CA8: variants seen among roughly 807,000 people sequenced by gnomAD.
The protein encoded by CA8 is carbonic anhydrase-related protein.
Under a neutral mutation model 41.4 loss-of-function variants are expected in CA8, and 22 were observed. That is an observed-to-expected ratio of 0.53 (90% CI 0.38 to 0.76). The LOEUF is 0.76. CA8 is among the 30% of genes least tolerant of loss of function. CA8 has a pLI of 0.00. For missense variants in CA8, 270 were observed against 352.8 expected, an observed-to-expected ratio of 0.77 and a Z score of 1.88; for synonymous variants, 121 against 130.6, an observed-to-expected ratio of 0.93 and a Z score of 0.50.
chr8:60,280,832 C>T (rs1207589471), intron 1 of CA8, among the ~76,000 whole-genome samples: 1 of 152,222 alleles, frequency 6.6e-6, no homozygotes, highest in African/African-American at 2.4e-5. Flanking sequence ...GGTGAGAGCG[C>T]AGGCGGCGGA....
intron 3 of CA8, among the ~76,000 whole-genome samples, chr8:60,264,314 C>T (rs1563378531): frequency 6.6e-6 from 1 of 152,232 alleles, no homozygotes; most frequent in Non-Finnish European, 1.5e-5. Flanking sequence ...ACTTTTGTTA[C>T]TAGAGTCTGT....
chr8:60,237,225 GTC>G (rs1807864875), intron 3 of CA8, among the ~76,000 whole-genome samples: 1 of 152,166 alleles, frequency 6.6e-6, no homozygotes, highest in Non-Finnish European at 1.5e-5. Flanking sequence ...CTTTCAGCAT[GTC>G]TCTCTGTAAC....
In CA8 at chr8:60,248,890, T is replaced by G. The variant is rs1445936018; in HGVS notation, c.418-16511A>C. Among the ~76,000 whole-genome samples the G allele has an allele frequency of 3.9e-5, 6 of 152,212 alleles. No homozygotes were observed. The East Asian group carries it at 1.2e-3, about 29-fold the overall frequency. Reference sequence around the variant, plus strand: ...TCACGATATTGATTCTTCCTATTCATGAGCATGGAATGTTTTTCCATTTGT... The same window carrying G: ...TCACGATATTGATTCTTCCTATTCAGGAGCATGGAATGTTTTTCCATTTGT... On this transcript the variant is annotated intron_variant, in intron 3 of 8. Transcript: ENST00000317995.
intron 2 of CA8, among the ~76,000 whole-genome samples, chr8:60,276,646 T>C (rs1804245531): frequency 1.3e-5 from 2 of 152,264 alleles, no homozygotes; most frequent in South Asian, 4.1e-4. Context: ...AATTACATAA[T>C]GGATACAATG....
At chr8:60,240,518 G>A (rs543132328) in intron 3 of CA8, among the ~76,000 whole-genome samples, 2 of 152,202 alleles carry the variant, frequency 1.3e-5, no homozygotes, top group Admixed American at 6.5e-5. Context: ...ATAACAGGCT[G>A]CTGTTAAGTT....
chr8:60,221,933 T>C (rs1336271686), intron 7 of CA8, among the ~76,000 whole-genome samples: 1 of 152,228 alleles, frequency 6.6e-6, no homozygotes, highest in Non-Finnish European at 1.5e-5. Flanking sequence ...CCAGGCCTTT[T>C]GAGGTTGATC....
intron 2 of CA8, among the ~76,000 whole-genome samples, chr8:60,266,328 A>G (rs553731499): frequency 4.6e-5 from 7 of 152,330 alleles, no homozygotes; most frequent in African/African-American, 1.7e-4. Flanking sequence ...TTCAGTCTAG[A>G]AGTAGACAAG....
intron 7 of CA8, among the ~76,000 whole-genome samples, chr8:60,210,239 G>A (rs143998935): frequency 6.6e-6 from 1 of 152,162 alleles, no homozygotes; most frequent in Non-Finnish European, 1.5e-5. Context: ...CCAGGGTATT[G>A]AGCAAACGTG....
rs1393579488 is a variant in CA8 at position 60,219,978 on chromosome 8, T to A, written c.738+2671A>T. Among the ~76,000 whole-genome samples the A allele has an allele frequency of 2.0e-5, 3 of 148,678 alleles. No individual in the cohort carries two copies. In the East Asian group the frequency reaches 6.0e-4, roughly 30 times the overall value. ...ACACTTGACTATTCTCTAAACGTTG[T>A]CCCTAAAACCCTCCTTGCCTTTCCC... is the stretch of plus-strand genomic sequence containing the variant. On this transcript the variant is annotated intron_variant, in intron 7 of 8. Coordinates refer to ENST00000317995, the MANE Select transcript of CA8 (RefSeq NM_004056.6).
At chr8:60,240,044 AC>A (rs2130517857) in intron 3 of CA8, among the ~76,000 whole-genome samples, 1 of 152,314 alleles carries the variant, frequency 6.6e-6, no homozygotes, top group African/African-American at 2.4e-5. Flanking sequence ...AGAGAAACTG[AC>A]GGGGGACCAA....
chr8:60,256,875 G>A (rs1027290977), intron 3 of CA8, among the ~76,000 whole-genome samples: 1 of 151,978 alleles, frequency 6.6e-6, no homozygotes. Flanking sequence ...GACTAAACAG[G>A]GAAGAAGTTT....
Position 60,208,615 on chromosome 8 carries a change from ATG to A in CA8, c.*35+133_*35+134del, listed in dbSNP as rs1408653792. On this transcript the variant is annotated intron_variant, in intron 8 of 8. Transcript: ENST00000317995. ...GACCTGTAATTAACAGAGCTCAAGA[ATG>A]TGTCATAAATTTTATCAAGATGAAG... is the stretch of plus-strand genomic sequence containing the variant. 29 of 749,590 alleles carry A rather than the reference ATG, an allele frequency of 3.9e-5. No homozygotes were observed. In the East Asian group the frequency reaches 7.2e-4, roughly 18 times the overall value. The allele number at this position is 749,590 out of a possible 1,614,324, so 46.4% of individuals were successfully genotyped here. A position where few individuals can be genotyped will look rare whatever the true frequency, so the allele number is the denominator to read the frequency against.
chr8:60,238,168 G>A (rs532059698), intron 3 of CA8, among the ~76,000 whole-genome samples: 9 of 152,292 alleles, frequency 5.9e-5, no homozygotes, highest in Non-Finnish European at 8.8e-5. Flanking sequence ...AAGAAATTGC[G>A]ACATGCCACA....
rs906398417 is a variant in CA8 at position 60,189,196 on chromosome 8, G to C, written c.*825C>G. On this transcript the variant is annotated 3_prime_UTR_variant, in exon 9 of 9. Coordinates refer to ENST00000317995, the MANE Select transcript of CA8 (RefSeq NM_004056.6). ...AATATTTAAGTCTTACAAAGCGTAC[G>C]ACACTAAAGTAATATAGGATACCAC... 2.6e-5 allele frequency: 4 copies of C among 152,078 alleles called. No individual in the cohort carries two copies. The highest frequency in any genetic ancestry group is 9.7e-5 in the African/African-American group (4 of 41,420). 9.4% of individuals were successfully genotyped at this position (152,078 alleles called of 1,614,324 possible). A position where few individuals can be genotyped will look rare whatever the true frequency, so the allele number is the denominator to read the frequency against.
intron 3 of CA8, among the ~76,000 whole-genome samples, chr8:60,245,847 T>A (rs1808213212): frequency 6.6e-6 from 1 of 152,182 alleles, no homozygotes. Flanking sequence ...TTACCTGTGT[T>A]TACAAGGCAA....
In CA8 at chr8:60,186,209, T is replaced by C. The variant is rs1212144845; in HGVS notation, c.*3812A>G. On this transcript the variant is annotated 3_prime_UTR_variant, in exon 9 of 9. Coordinates refer to ENST00000317995, the MANE Select transcript of CA8 (RefSeq NM_004056.6). ...TTACAGGAAAAATATAACAATGTATTGTTGGGCTTACAGCATGTATAGATG... is the reference window on the plus strand; with the variant it reads ...TTACAGGAAAAATATAACAATGTATCGTTGGGCTTACAGCATGTATAGATG... Among the ~76,000 whole-genome samples, 4 of 151,998 alleles carry C rather than the reference T, an allele frequency of 2.6e-5. No individual in the cohort carries two copies. Among genetic ancestry groups the C allele is most frequent in the African/African-American group, 7.2e-5 (3 of 41,418 alleles).
At chr8:60,237,227 C>T (rs1378225878) in intron 3 of CA8, among the ~76,000 whole-genome samples, 1 of 152,218 alleles carries the variant, frequency 6.6e-6, no homozygotes, top group African/African-American at 2.4e-5. Context: ...TTCAGCATGT[C>T]TCTCTGTAAC....
intron 7 of CA8, among the ~76,000 whole-genome samples, chr8:60,215,741 T>C (rs1382546305): frequency 6.6e-6 from 1 of 152,194 alleles, no homozygotes; most frequent in Non-Finnish European, 1.5e-5. Context: ...TATTCTAGAA[T>C]TCCTATTAAT....
intron 2 of CA8, among the ~76,000 whole-genome samples, chr8:60,272,913 C>A (rs1039681683): frequency 2.0e-5 from 3 of 152,224 alleles, no homozygotes; most frequent in Admixed American, 1.3e-4. Flanking sequence ...TTTCTCCTGA[C>A]ACATTAAACA....
Sources: gnomAD v4.1 joint callset for allele counts (sites outside exome capture counted in the v4.1 genomes callset) on GRCh38, gnomAD v4.1.1 for gene constraint, MANE v1.5 for transcripts, NCBI Gene and HGNC (gene_info 2026-07-23, HGNC 2026-07-21) for gene names.